NTNG2: variants seen among roughly 807,000 people sequenced by gnomAD.
NTNG2 encodes netrin G2.
A neutral mutation model predicts 47.6 loss-of-function variants in NTNG2; 15 were observed. The observed-to-expected ratio is 0.32, with a 90% confidence interval of 0.21 to 0.49. The LOEUF (loss-of-function observed/expected upper bound fraction) is 0.49. NTNG2 is among the 20% of genes least tolerant of loss of function. NTNG2 has a pLI of 0.99. For synonymous variants in NTNG2, 307 were observed against 324.6 expected, an observed-to-expected ratio of 0.95 and a Z score of 0.58; for missense variants, 578 against 764.6, an observed-to-expected ratio of 0.76 and a Z score of 2.88.
intron 3 of NTNG2, among the ~76,000 whole-genome samples, chr9:132,223,087 C>T (rs1488088318): frequency 1.3e-5 from 2 of 152,194 alleles, no homozygotes; most frequent in African/African-American, 4.8e-5. Flanking sequence ...GCACTCCAGC[C>T]TGGGTGACAG....
chr9:132,165,765 G>A (rs181258555), intron 1 of NTNG2, among the ~76,000 whole-genome samples: 2 of 152,274 alleles, frequency 1.3e-5, no homozygotes, highest in Admixed American at 6.5e-5. Context: ...CCAAGCCGGG[G>A]CACTTCTGCT....
chr9:132,244,299 G>A lies in NTNG2; in HGVS notation c.*2188G>A, dbSNP rs898879346. ...GGTGGAGCCGGGGGTGGAAGTTGCA[G>A]AGCCTGGGACACCTGCCTTGGCTGC... On this transcript the variant is annotated 3_prime_UTR_variant, in exon 8 of 8. Transcript: ENST00000393229. The A allele has an allele frequency of 6.6e-6, 1 of 152,228 alleles. No individual in the cohort carries two copies. Among genetic ancestry groups the A allele is most frequent in the Non-Finnish European group, 1.5e-5 (1 of 68,082 alleles). The allele number at this position is 152,228 out of a possible 1,614,324, so 9.4% of individuals were successfully genotyped here. A position where few individuals can be genotyped will look rare whatever the true frequency, so the allele number is the denominator to read the frequency against.
At chr9:132,209,033 T>C (rs1257461257) in intron 3 of NTNG2, among the ~76,000 whole-genome samples, 2 of 152,158 alleles carry the variant, frequency 1.3e-5, no homozygotes, top group Non-Finnish European at 2.9e-5. Flanking sequence ...CACTCCTGAG[T>C]AGGACTGTGC....
At chr9:132,167,784 A>G (rs1835604588) in intron 2 of NTNG2, among the ~76,000 whole-genome samples, 1 of 152,208 alleles carries the variant, frequency 6.6e-6, no homozygotes, top group Non-Finnish European at 1.5e-5. Flanking sequence ...CAACAACAAC[A>G]GCAGAGATGG....
intron 3 of NTNG2, among the ~76,000 whole-genome samples, chr9:132,201,135 A>G (rs1838714754): frequency 6.6e-6 from 1 of 152,348 alleles, no homozygotes; most frequent in East Asian, 1.9e-4. Context: ...GGCCAGCTGT[A>G]GGATCCAGAC....
intron 2 of NTNG2, among the ~76,000 whole-genome samples, chr9:132,190,786 C>A (rs1393550213): frequency 1.3e-5 from 2 of 152,148 alleles, no homozygotes; most frequent in Non-Finnish European, 2.9e-5. Context: ...ATATTTCATG[C>A]CAGGAGCTCA....
rs1742157814 is a variant in NTNG2, at chr9:132,208,076, C to G, written c.857+9467C>G. 6.6e-6 allele frequency among the ~76,000 whole-genome samples: 1 copy of G among 152,120 alleles called. No homozygotes were observed. The highest frequency in any genetic ancestry group is 2.4e-5 in the African/African-American group (1 of 41,422). On this transcript the variant is annotated intron_variant, in intron 3 of 7. Coordinates refer to ENST00000393229, the MANE Select transcript of NTNG2 (RefSeq NM_032536.4). The surrounding 1 kb of genome is among the most constrained non-coding windows in gnomAD (Gnocchi z 4.0). Reference sequence around the variant, plus strand: ...TTATGACTGTGCTACTGCACTCCAGCCTGGGCAACAGAGCGAGACCCTATC... The same window carrying G: ...TTATGACTGTGCTACTGCACTCCAGGCTGGGCAACAGAGCGAGACCCTATC...
intron 3 of NTNG2, among the ~76,000 whole-genome samples, chr9:132,212,631 T>C (rs755446437): frequency 1.1e-4 from 16 of 151,948 alleles, no homozygotes; most frequent in Non-Finnish European, 2.1e-4. Flanking sequence ...GGTTCCTCGC[T>C]TTCTCAGGAT....
intron 3 of NTNG2, among the ~76,000 whole-genome samples, chr9:132,216,179 G>A (rs1410175545): frequency 6.6e-6 from 1 of 152,192 alleles, no homozygotes; most frequent in African/African-American, 2.4e-5. Flanking sequence ...CCCAGCAGGT[G>A]CTCCATGCCG....
intron 2 of NTNG2, among the ~76,000 whole-genome samples, chr9:132,171,832 G>T (rs888687371): frequency 6.6e-6 from 1 of 152,184 alleles, no homozygotes; most frequent in African/African-American, 2.4e-5. Context: ...TGACCGGCCC[G>T]ATGGCTCTGG....
At chr9:132,193,271 A>G (rs1280205860) in intron 2 of NTNG2, among the ~76,000 whole-genome samples, 1 of 152,218 alleles carries the variant, frequency 6.6e-6, no homozygotes, top group Non-Finnish European at 1.5e-5. Flanking sequence ...ATATGATGAT[A>G]ATAATAATAA....
rs555717139 is a variant in NTNG2 at position 132,184,419 on chromosome 9, A to G, written c.214-13547A>G. ...ACAGTGGGGAGGGGACACACCCGTC[A>G]TTAACCGAAGAAGCCACTGGGGAAA... On this transcript the variant is annotated intron_variant, in intron 2 of 7. Transcript: ENST00000393229. 4.3e-4 allele frequency among the ~76,000 whole-genome samples: 66 copies of G among 152,364 alleles called. 1 individual carries two copies. The highest frequency in any genetic ancestry group is 3.4e-3 in the Middle Eastern group (1 of 294).
chr9:132,227,126 G>A, intron 4 of NTNG2, 105 bp downstream of exon 4: 1 of 1,237,246 alleles, frequency 8.1e-7, no homozygotes, highest in African/African-American at 1.5e-5. Flanking sequence ...CCTGCACACA[G>A]GCACATACGT....
chr9:132,166,770 C>T lies in NTNG2; in HGVS notation c.-62C>T. On this transcript the variant is annotated 5_prime_UTR_variant, in exon 2 of 8. Transcript: ENST00000393229. ...TTCCATGCTGAGGCCGCGAGTCCCGCCTGACCCCGTCGCTGCCTCTCCAGG... is the reference window on the plus strand; with the variant it reads ...TTCCATGCTGAGGCCGCGAGTCCCGTCTGACCCCGTCGCTGCCTCTCCAGG... 1 of 1,541,262 alleles carries T rather than the reference C, an allele frequency of 6.5e-7. No individual in the cohort carries two copies. The highest frequency in any genetic ancestry group is 8.9e-7 in the Non-Finnish European group (1 of 1,120,086).
intron 3 of NTNG2, among the ~76,000 whole-genome samples, chr9:132,203,543 T>C (rs1272196261): frequency 6.6e-6 from 1 of 152,130 alleles, no homozygotes; most frequent in African/African-American, 2.4e-5. Flanking sequence ...GAAGTATCTA[T>C]GTAAAGTCTC....
intron 2 of NTNG2, among the ~76,000 whole-genome samples, chr9:132,174,341 T>G (rs374150084): frequency 7.4e-5 from 7 of 94,590 alleles, no homozygotes; most frequent in South Asian, 3.5e-4. Flanking sequence ...GACAGACAGG[T>G]CGAACCATGC....
chr9:132,174,680 G>A (rs1023281232), intron 2 of NTNG2, among the ~76,000 whole-genome samples: 1 of 152,226 alleles, frequency 6.6e-6, no homozygotes, highest in Non-Finnish European at 1.5e-5. Context: ...CCAGCTCTGT[G>A]AGAGGCTGAG....
At chr9:132,198,735 T>G in intron 3 of NTNG2, 126 bp downstream of exon 3, 2 of 1,021,974 alleles carry the variant, frequency 2.0e-6, no homozygotes, top group Non-Finnish European at 2.8e-6. Context: ...GGATGTTACC[T>G]GGTTCCCTGG....
At chr9:132,165,021 GAGGATGTC>G (rs1222001284) in intron 1 of NTNG2, among the ~76,000 whole-genome samples, 1 of 152,264 alleles carries the variant, frequency 6.6e-6, no homozygotes, top group African/African-American at 2.4e-5. Flanking sequence ...AGGAGGTGAA[GAGGATGTC>G]AGGGGAGAGC....
Sources: allele counts gnomAD v4.1 joint callset (sites outside exome capture counted in the v4.1 genomes callset), GRCh38; gene constraint gnomAD v4.1.1; non-coding constraint Gnocchi (gnomAD v3.1); transcripts MANE v1.5; gene names NCBI Gene and HGNC (gene_info 2026-07-23, HGNC 2026-07-21).